ANKDD1B: variants seen among roughly 807,000 people sequenced by gnomAD.
ANKDD1B encodes the protein ankyrin repeat and death domain containing 1B.
Under a neutral mutation model 59.7 loss-of-function variants are expected in ANKDD1B, and 57 were observed. The observed-to-expected ratio is 0.95, with a 90% CI of 0.77 to 1.19. The LOEUF (loss-of-function observed/expected upper bound fraction) is 1.19, where lower values mean the gene tolerates loss of function less well. ANKDD1B is among the 50% of genes most tolerant of loss of function. The pLI is 0.00. For missense variants in ANKDD1B, 602 were observed against 641.9 expected, an observed-to-expected ratio of 0.94 and a Z score of 0.67; for synonymous variants, 216 against 239.5, an observed-to-expected ratio of 0.90 and a Z score of 0.91.
At chr5:75,666,722 T>C in intron 11 of ANKDD1B, 70 bp from the exon 12 acceptor site, 4 of 1,172,542 alleles carry the variant, frequency 3.4e-6, no homozygotes, top group Non-Finnish European at 4.9e-6. Context: ...TTGAAAAACA[T>C]ATATACTCTG....
Position 75,666,855 on chromosome 5 carries a change from A to T in ANKDD1B, c.1255A>T (p.Ser419Cys). ...GFTLTFKQDH[S>C]LETRHIRTLL... is the part of the protein sequence containing the mutation. ...TACTCTGACATTCAAGCAAGATCAC[A>T]GTCTGGAGACCAGACACATTCGCAC... The change falls in exon 12 of 14, where the codon AGT (serine) becomes TGT (cysteine). Residue 419 changes from serine (S) to cysteine (C), a missense_variant. Transcript: ENST00000601380. 1 of 1,536,066 alleles carries T rather than the reference A, an allele frequency of 6.5e-7. No homozygotes were observed. Among genetic ancestry groups the T allele is most frequent in the South Asian group, 1.2e-5 (1 of 84,060 alleles).
intron 3 of ANKDD1B, 93 bp from the exon 4 acceptor site, chr5:75,625,554 A>G: frequency 1.1e-6 from 1 of 889,368 alleles, no homozygotes; most frequent in South Asian, 1.6e-5. Flanking sequence ...AGTTTTCAAC[A>G]ATCTAGTATT....
At chr5:75,638,602 TA>T (rs1035738296) in intron 7 of ANKDD1B, among the ~76,000 whole-genome samples, 1 of 152,152 alleles carries the variant, frequency 6.6e-6, no homozygotes, top group African/African-American at 2.4e-5. Flanking sequence ...AAATTCAAGA[TA>T]AAAAATAAAT....
chr5:75,652,630 G>A (rs953909343), intron 7 of ANKDD1B, among the ~76,000 whole-genome samples: 1 of 152,178 alleles, frequency 6.6e-6, no homozygotes, highest in Non-Finnish European at 1.5e-5. Context: ...GTAGAGACAA[G>A]GTTTCACCAT....
chr5:75,667,103 G>A, intron 12 of ANKDD1B, 110 bp downstream of exon 12: 1 of 651,246 alleles, frequency 1.5e-6, no homozygotes, highest in Non-Finnish European at 2.4e-6. Flanking sequence ...ATAAGCTGCA[G>A]TCTTCAAGGG....
At chr5:75,613,933 C>G (rs757675369) in intron 1 of ANKDD1B, among the ~76,000 whole-genome samples, 1 of 152,142 alleles carries the variant, frequency 6.6e-6, no homozygotes, top group Non-Finnish European at 1.5e-5. Flanking sequence ...CAAGACCAGC[C>G]TGGACCACGT....
chr5:75,670,474 A>T (rs1561454682), intron 13 of ANKDD1B, among the ~76,000 whole-genome samples: 1 of 152,220 alleles, frequency 6.6e-6, no homozygotes, highest in African/African-American at 2.4e-5. Context: ...TCAGAAATTG[A>T]TGATTCGGAT....
intron 11 of ANKDD1B, among the ~76,000 whole-genome samples, chr5:75,663,728 C>T (rs539814621): frequency 6.6e-6 from 1 of 152,352 alleles, no homozygotes; most frequent in Admixed American, 6.5e-5. Context: ...GGCCAAGCGG[C>T]ATTGACCAGG....
In ANKDD1B at chr5:75,657,072, C is replaced by A. The variant is rs1027657769; in HGVS notation, c.996+945C>A. 2.6e-5 allele frequency among the ~76,000 whole-genome samples: 4 copies of A among 152,340 alleles called. No individual in the cohort carries two copies. The East Asian group carries it at 5.8e-4, about 22-fold the overall frequency. Reference sequence around the variant, plus strand: ...CCAAAAGTTTTTCTGGGGAAAAAAACCAATCTCCTTTTGTTATTAAATATA... The same window carrying A: ...CCAAAAGTTTTTCTGGGGAAAAAAAACAATCTCCTTTTGTTATTAAATATA... On this transcript the variant is annotated intron_variant, in intron 9 of 13. Transcript: ENST00000601380.
intron 9 of ANKDD1B, among the ~76,000 whole-genome samples, chr5:75,657,114 C>T (rs547296148): frequency 4.5e-4 from 68 of 152,322 alleles, no homozygotes; most frequent in African/African-American, 1.6e-3. Flanking sequence ...TATTCAACTA[C>T]GTTAATATCT....
chr5:75,626,718 C>T (rs1774004143), intron 5 of ANKDD1B, among the ~76,000 whole-genome samples: 1 of 152,136 alleles, frequency 6.6e-6, no homozygotes, highest in African/African-American at 2.4e-5. Flanking sequence ...CCTTCTCAGA[C>T]TAACAGTGGG....
chr5:75,628,715 CA>C (rs1774061758), intron 5 of ANKDD1B, among the ~76,000 whole-genome samples: 2 of 152,064 alleles, frequency 1.3e-5, no homozygotes, highest in African/African-American at 2.4e-5. Flanking sequence ...TTAACTAGGC[CA>C]GGGGGAATTT....
intron 9 of ANKDD1B, 142 bp downstream of exon 9, chr5:75,656,269 G>A: frequency 2.0e-6 from 1 of 501,716 alleles, no homozygotes; most frequent in Non-Finnish European, 3.5e-6. Context: ...TTTTCCTTCT[G>A]TAACTCTCAC....
intron 1 of ANKDD1B, among the ~76,000 whole-genome samples, chr5:75,616,178 CAAT>C (rs1377223599): frequency 6.6e-6 from 1 of 152,154 alleles, no homozygotes; most frequent in Non-Finnish European, 1.5e-5. Flanking sequence ...ACAAAAAACT[CAAT>C]AAACCCTGGA....
intron 10 of ANKDD1B, among the ~76,000 whole-genome samples, chr5:75,661,392 G>A (rs1411008907): frequency 2.7e-5 from 2 of 73,916 alleles, no homozygotes; most frequent in Admixed American, 2.2e-4. Flanking sequence ...GCGAAACTCC[G>A]TCTGAAAAAA....
At chr5:75,653,840 G>A (rs1203358209) in intron 8 of ANKDD1B, among the ~76,000 whole-genome samples, 1 of 152,206 alleles carries the variant, frequency 6.6e-6, no homozygotes, top group East Asian at 1.9e-4. Flanking sequence ...GGAGGGATGT[G>A]GTTTAAATCA....
In ANKDD1B at chr5:75,635,812, C is replaced by G. The variant is rs542617542; in HGVS notation, c.728C>G (p.Ala243Gly). ...GGAAACACTGCCTTGCACCTCGCTG[C>G]GAAGCATGGTCACAGTCCTGCAGTG... ...KGGNTALHLA[A>G]KHGHSPAVQV... The change falls in exon 7 of 14, where the codon GCG becomes GGG. Residue 243 changes from alanine to glycine, a missense_variant. Ala to Gly is a moderately conservative substitution (Grantham distance 60, BLOSUM62 0). Around this residue, in one of 3 missense-constraint regions of ANKDD1B, gnomAD observed 317 missense variants for 304.6 expected, o/e 1.04. Transcript: ENST00000601380. The G allele has an allele frequency of 6.5e-7, 1 of 1,532,946 alleles. No individual in the cohort carries two copies. The highest frequency in any genetic ancestry group is 1.2e-5 in the South Asian group (1 of 83,744). The allele number at this position is 1,532,946 out of a possible 1,614,324, so 95.0% of individuals were successfully genotyped here.
At chr5:75,630,311 A>G (rs1219302265) in intron 5 of ANKDD1B, among the ~76,000 whole-genome samples, 1 of 152,264 alleles carries the variant, frequency 6.6e-6, no homozygotes, top group Non-Finnish European at 1.5e-5. Context: ...AAAGATTTAT[A>G]TCTCATTATG....
intron 8 of ANKDD1B, among the ~76,000 whole-genome samples, chr5:75,655,339 C>T (rs988517833): frequency 2.0e-5 from 3 of 152,116 alleles, no homozygotes; most frequent in African/African-American, 7.2e-5. Context: ...GGCTAGACTC[C>T]GTGCGGGGAG....
Sources: allele counts gnomAD v4.1 joint callset (sites outside exome capture counted in the v4.1 genomes callset), GRCh38; gene constraint gnomAD v4.1.1; regional missense constraint gnomAD v4.1.1; transcripts MANE v1.5; gene names NCBI Gene and HGNC (gene_info 2026-07-23, HGNC 2026-07-21).